Variants in TNS2 observed in about 807,000 individuals in gnomAD.
TNS2 encodes tensin-2.
Under a neutral mutation model 155.7 loss-of-function variants are expected in TNS2, and 77 were observed. The ratio of observed to expected loss-of-function variants is 0.49; its 90% CI spans 0.41 to 0.60. TNS2 has a LOEUF of 0.60. TNS2 is among the 20% of genes least tolerant of loss of function. The pLI is 0.00. For synonymous variants in TNS2, 726 were observed against 763.9 expected (o/e 0.95, Z 0.82); for missense variants, 1,703 against 1,868.8 (o/e 0.91, Z 1.64).
Position 53,061,227 on chromosome 12 carries a change from C to A in TNS2, c.3321C>A (p.Phe1107Leu). ...PARGISHHVTFAPLLSDNVPQ... is the reference protein window; with the variant it reads ...PARGISHHVTLAPLLSDNVPQ... ...GAGGCATCAGTCACCATGTCACCTT[C>A]GCACCTCTGCTCTCAGATAATGTCC... Residue 1107 changes from phenylalanine to leucine, a missense_variant, in exon 20 of 29, where the codon TTC (phenylalanine) becomes TTA (leucine). Transcript: ENST00000314250. 1 of 1,569,974 alleles carries A rather than the reference C, an allele frequency of 6.4e-7. No individual in the cohort carries two copies. The highest frequency in any genetic ancestry group is 8.6e-7 in the Non-Finnish European group (1 of 1,157,654).
Position 53,063,829 on chromosome 12 carries a change from G to T in TNS2, c.4177G>T (p.Ala1393Ser). The change falls in exon 29 of 29, where the codon GCT becomes TCT. Residue 1393 changes from alanine (A) to serine (S), a missense_variant. Coordinates refer to ENST00000314250, the MANE Select transcript of TNS2 (RefSeq NM_170754.4). This position sits in a 1 kb window ranked among gnomAD's most constrained non-coding sequence, Gnocchi z 5.6. ...TGCAGAGCTTGACCCAGATCAGCCTGCTGGCGCCATTGTCACCTTCATCAC... is the reference window on the plus strand; with the variant it reads ...TGCAGAGCTTGACCCAGATCAGCCTTCTGGCGCCATTGTCACCTTCATCAC... ...LFAELDPDQPAGAIVTFITKV... is the reference protein window; with the variant it reads ...LFAELDPDQPSGAIVTFITKV... 6.2e-7 allele frequency: 1 copy of T among 1,614,184 alleles called. No individual in the cohort carries two copies.
Position 53,051,918 on chromosome 12 carries a change from G to A in TNS2, c.139G>A (p.Ala47Thr), listed in dbSNP as rs1943948261. Residue 47 changes from alanine to threonine, a missense_variant, in exon 2 of 29, where the codon GCA becomes ACA. Transcript: ENST00000314250. ...KVFRKKPPVC[A>T]VCKVTIDGTG... ...TTTCCGGAAGAAACCTCCAGTCTGT[G>A]CAGTATGTAAGGTGACCATCGATGG... 6.2e-7 allele frequency: 1 copy of A among 1,613,738 alleles called. No individual in the cohort carries two copies. The highest frequency in any genetic ancestry group is 1.1e-5 in the South Asian group (1 of 91,066).
chr12:53,055,961 CT>C, intron 10 of TNS2, 116 bp downstream of exon 10: 1 of 1,047,944 alleles, frequency 9.5e-7, no homozygotes, highest in Non-Finnish European at 1.4e-6. Context: ...TTGCTGTCAG[CT>C]TAGCACTTCC....
At position 53,063,920 on chromosome 12, in the gene TNS2, C is replaced by T. The variant is rs34922637; in HGVS notation, c.*38C>T. The T allele has an allele frequency of 1.7e-5, 28 of 1,606,054 alleles. No individual in the cohort carries two copies. Among genetic ancestry groups the T allele is most frequent in the Non-Finnish European group, 2.3e-5 (27 of 1,175,102 alleles). On this transcript the variant is annotated 3_prime_UTR_variant, in exon 29 of 29. Transcript: ENST00000314250. This position sits in a 1 kb window ranked among gnomAD's most constrained non-coding sequence, Gnocchi z 5.6. ...AGCTCAGAGCCCACATCAACACTGCCCCCCTCCCAGCACCCCACAGCCCTC... is the reference window on the plus strand; with the variant it reads ...AGCTCAGAGCCCACATCAACACTGCTCCCCTCCCAGCACCCCACAGCCCTC...
Position 53,059,153 on chromosome 12 carries a change from C to A in TNS2, c.1512C>A (p.Pro504=). The change falls in exon 18 of 29, where the codon CCC becomes CCA. Residue 504 remains proline, a synonymous_variant. Transcript: ENST00000314250. The surrounding 1 kb of genome is among the most constrained non-coding windows in gnomAD (Gnocchi z 4.7). ...CACCCTCTCCAGAGCCTCCACCACCCCCCATGCTCTCTGTCAGCAGCGACT... is the reference window on the plus strand; with the variant it reads ...CACCCTCTCCAGAGCCTCCACCACCACCCATGCTCTCTGTCAGCAGCGACT... ...PPAPSPEPPP[P]PMLSVSSDSG... 1 of 1,599,102 alleles carries A rather than the reference C, an allele frequency of 6.3e-7. No individual in the cohort carries two copies.
Position 53,060,241 on chromosome 12 carries a change from G to A in TNS2, c.2600G>A (p.Gly867Glu). 1.3e-6 allele frequency: 2 copies of A among 1,545,472 alleles called. No homozygotes were observed. The highest frequency in any genetic ancestry group is 1.7e-6 in the Non-Finnish European group (2 of 1,145,006). Residue 867 changes from glycine (G) to glutamate (E), a missense_variant, in exon 18 of 29, where the codon GGA becomes GAA. Coordinates refer to ENST00000314250, the MANE Select transcript of TNS2 (RefSeq NM_170754.4). This position sits in a 1 kb window ranked among gnomAD's most constrained non-coding sequence, Gnocchi z 6.1. ...YPLPGHLASA[G>E]PLASAESLEP... ...TTGCCTGGGCACCTGGCCTCAGCAGGACCTTTGGCATCTGCAGGTGAGGGG... is the reference window on the plus strand; with the variant it reads ...TTGCCTGGGCACCTGGCCTCAGCAGAACCTTTGGCATCTGCAGGTGAGGGG...
Position 53,063,582 on chromosome 12 carries a change from A to G in TNS2, c.4081A>G (p.Thr1361Ala). The change falls in exon 28 of 29, where the codon ACC becomes GCC. Residue 1361 changes from threonine to alanine, a missense_variant. Coordinates refer to ENST00000314250, the MANE Select transcript of TNS2 (RefSeq NM_170754.4). The surrounding 1 kb of genome is among the most constrained non-coding windows in gnomAD (Gnocchi z 5.6). ...CTGCAGATGGACCAACCCAGACGGGACCACCTCCAAGTAAGCCTCCCCACG... is the reference window on the plus strand; with the variant it reads ...CTGCAGATGGACCAACCCAGACGGGGCCACCTCCAAGTAAGCCTCCCCACG... ...QDRRWTNPDG[T>A]TSKIFGFVAK... 1 of 1,609,998 alleles carries G rather than the reference A, an allele frequency of 6.2e-7. No homozygotes were observed. Among genetic ancestry groups the G allele is most frequent in the Non-Finnish European group, 8.5e-7 (1 of 1,178,758 alleles).
At position 53,063,491 on chromosome 12, in the gene TNS2, A is replaced by AGCCCCG. The variant is rs1201838004; in HGVS notation, c.4062-60_4062-55dup. The AGCCCCG allele has an allele frequency of 1.7e-4, 137 of 815,894 alleles. No homozygotes were observed. Among genetic ancestry groups the AGCCCCG allele is most frequent in the Admixed American group, 3.1e-4 (14 of 45,124 alleles). The allele number at this position is 815,894 out of a possible 1,614,324, so 50.5% of individuals were successfully genotyped here. ...GGTCCCAGCTCCCAGCCCCAGCCCC[A>AGCCCCG]GCCCCGGCCCCGGCCCCCCTTCAGC... On this transcript the variant is annotated intron_variant, in intron 27 of 28. Transcript: ENST00000314250. This position sits in a 1 kb window ranked among gnomAD's most constrained non-coding sequence, Gnocchi z 5.6.
intron 17 of TNS2, 102 bp from the exon 18 acceptor site, chr12:53,058,945 C>T: frequency 1.3e-6 from 2 of 1,552,546 alleles, no homozygotes; most frequent in Non-Finnish European, 1.7e-6. Flanking sequence ...AGAGACACCC[C>T]CGGCCCGACA....
intron 3 of TNS2, 88 bp downstream of exon 3, chr12:53,052,580 AC>A: frequency 6.5e-7 from 1 of 1,535,884 alleles, no homozygotes; most frequent in Non-Finnish European, 9.0e-7. Flanking sequence ...ACTGGCATCA[AC>A]CCTCCACCTC....
chr12:53,056,555 C>T (rs1944166676), intron 10 of TNS2, among the ~76,000 whole-genome samples: 1 of 152,144 alleles, frequency 6.6e-6, no homozygotes, highest in Non-Finnish European at 1.5e-5. Context: ...GCAGACACAT[C>T]ACTGTAATCG....
rs202167240 is a variant in TNS2 at position 53,061,940 on chromosome 12, G to T, written c.3574G>T (p.Gly1192Trp). 8 of 1,610,846 alleles carry T rather than the reference G, an allele frequency of 5.0e-6. No homozygotes were observed. Among genetic ancestry groups the T allele is most frequent in the East Asian group, 2.2e-5 (1 of 44,858 alleles). ...TPPPSAQPWK[G>W]DPVEQLVRHF... The stretch of plus-strand genomic sequence containing the variant: ...GCCACCCAGTGCCCAGCCCTGGAAA[G>T]GTACAGAACACCCAAACCTGAGTGG... The change falls in exon 22 of 29, where the codon GGG becomes TGG. Residue 1192 changes from glycine (G) to tryptophan (W), a missense_variant and splice_region_variant. Coordinates refer to ENST00000314250, the MANE Select transcript of TNS2 (RefSeq NM_170754.4).
chr12:53,064,000 T>C lies in TNS2; in HGVS notation c.*118T>C, dbSNP rs1379031355. ...AGGAGAAAGCACCCTCCCTTAGGAA[T>C]GAGGAGTGGGCATCAGGCCTGGGAC... On this transcript the variant is annotated 3_prime_UTR_variant, in exon 29 of 29. Coordinates refer to ENST00000314250, the MANE Select transcript of TNS2 (RefSeq NM_170754.4). The surrounding 1 kb of genome is among the most constrained non-coding windows in gnomAD (Gnocchi z 5.6). 1 of 1,181,376 alleles carries C rather than the reference T, an allele frequency of 8.5e-7. No homozygotes were observed. Among genetic ancestry groups the C allele is most frequent in the African/African-American group, 1.5e-5 (1 of 65,150 alleles). The allele number at this position is 1,181,376 out of a possible 1,614,324, so 73.2% of individuals were successfully genotyped here.
At position 53,058,013 on chromosome 12, in the gene TNS2, C is replaced by T; in HGVS notation, c.1020-14C>T. 1 of 1,614,062 alleles carries T rather than the reference C, an allele frequency of 6.2e-7. No individual in the cohort carries two copies. Among genetic ancestry groups the T allele is most frequent in the Non-Finnish European group, 8.5e-7 (1 of 1,180,020 alleles). On this transcript the variant is annotated splice_polypyrimidine_tract_variant and intron_variant, in intron 13 of 28. Coordinates refer to ENST00000314250, the MANE Select transcript of TNS2 (RefSeq NM_170754.4). ...GCTTCTGGTTCATCTCTGCCTTCTCCTCTCTCCCCACAGTCACATTGCAGG... is the reference window on the plus strand; with the variant it reads ...GCTTCTGGTTCATCTCTGCCTTCTCTTCTCTCCCCACAGTCACATTGCAGG...
chr12:53,062,295 T>C (rs1336232094), intron 23 of TNS2, 50 bp downstream of exon 23: 1 of 1,612,742 alleles, frequency 6.2e-7, no homozygotes, highest in Non-Finnish European at 8.5e-7. Flanking sequence ...TTTAGGGAGA[T>C]GCCAAGGGAT....
chr12:53,048,643 A>G (rs116740655), upstream of TNS2, among the ~76,000 whole-genome samples: 1,496 of 152,292 alleles, frequency 9.8e-3, 14 homozygotes, highest in Non-Finnish European at 0.015. Flanking sequence ...GGCCTGCCAC[A>G]CAGATGCCAC....
chr12:53,061,321 G>A (rs1944377531), intron 20 of TNS2, 57 bp downstream of exon 20: 1 of 1,612,148 alleles, frequency 6.2e-7, no homozygotes, highest in African/African-American at 1.3e-5. Flanking sequence ...CTCCTGGGAT[G>A]TAGCATGGAT....
At chr12:53,052,583 C>G in intron 3 of TNS2, 91 bp downstream of exon 3, 2 of 1,524,334 alleles carry the variant, frequency 1.3e-6, no homozygotes, top group Non-Finnish European at 1.8e-6. Context: ...GGCATCAACC[C>G]TCCACCTCCA....
Position 53,054,424 on chromosome 12 carries a change from C to T in TNS2, c.505C>T (p.His169Tyr). 6.2e-7 allele frequency: 1 copy of T among 1,604,660 alleles called. No individual in the cohort carries two copies. Among genetic ancestry groups the T allele is most frequent in the South Asian group, 1.1e-5 (1 of 90,700 alleles). ...RELAHVLQSK[H>Y]RDKYLLFNLS... ...GCTGGCCCATGTGCTGCAATCCAAG[C>T]ACCGGGACAAGTACCTGGTGAGGGG... Residue 169 changes from histidine (H) to tyrosine (Y), a missense_variant, in exon 7 of 29, where the codon CAC becomes TAC. His to Tyr is a moderately conservative substitution (Grantham distance 83). Coordinates refer to ENST00000314250, the MANE Select transcript of TNS2 (RefSeq NM_170754.4).
Sources: gnomAD v4.1 joint callset for allele counts (sites outside exome capture counted in the v4.1 genomes callset) on GRCh38, gnomAD v4.1.1 for gene constraint, Gnocchi (gnomAD v3.1) non-coding constraint, MANE v1.5 for transcripts, NCBI Gene and HGNC (gene_info 2026-07-23, HGNC 2026-07-21) for gene names.